CDC73: variants seen among roughly 807,000 people sequenced by gnomAD.
The protein encoded by CDC73 is parafibromin.
CDC73 carries 21 observed loss-of-function variants against 83.7 expected under a neutral mutation model. The observed-to-expected ratio is 0.25, with a 90% confidence interval of 0.18 to 0.36. The LOEUF (loss-of-function observed/expected upper bound fraction) is 0.36, where lower values mean the gene tolerates loss of function less well. CDC73 is among the 10% of genes least tolerant of loss of function. The pLI is 1.00. For synonymous variants in CDC73, 224 were observed against 212.9 expected, an observed-to-expected ratio of 1.05 and a Z score of -0.45; for missense variants, 342 against 653.3, an observed-to-expected ratio of 0.52 and a Z score of 5.19.
chr1:193,228,044 G>A (rs183806779), intron 13 of CDC73, among the ~76,000 whole-genome samples: 1 of 152,292 alleles, frequency 6.6e-6, no homozygotes, highest in Non-Finnish European at 1.5e-5. Context: ...TAGCTGAATT[G>A]ATAGTGCTGT....
chr1:193,144,103 C>A (rs1398166711), intron 7 of CDC73, among the ~76,000 whole-genome samples: 1 of 46,438 alleles, frequency 2.2e-5, no homozygotes, highest in Non-Finnish European at 5.0e-5. Flanking sequence ...GAGTGAGACT[C>A]TGTCTCACCA....
Position 193,150,292 on chromosome 1 carries a change from AT to A in CDC73, c.829-5del, listed in dbSNP as rs755393679. 6 of 1,576,706 alleles carry A rather than the reference AT, an allele frequency of 3.8e-6. No homozygotes were observed. Among genetic ancestry groups the A allele is most frequent in the Non-Finnish European group, 5.2e-6 (6 of 1,145,990 alleles). On this transcript the variant is annotated splice_polypyrimidine_tract_variant and intron_variant, in intron 8 of 16. Transcript: ENST00000367435. The stretch of plus-strand genomic sequence containing the variant: ...AATATTAACAAGTAACTCATAATTA[AT>A]TTTTTTACAGGATCCCACTTTGCGC...
At chr1:193,138,587 G>A (rs898696684) in intron 6 of CDC73, among the ~76,000 whole-genome samples, 19 of 151,708 alleles carry the variant, frequency 1.3e-4, no homozygotes, top group African/African-American at 4.6e-4. Flanking sequence ...ATACATGAAT[G>A]GATGGGCATA....
At chr1:193,235,713 T>G (rs1211966557) in intron 14 of CDC73, among the ~76,000 whole-genome samples, 1 of 152,092 alleles carries the variant, frequency 6.6e-6, no homozygotes, top group Non-Finnish European at 1.5e-5. Flanking sequence ...ATTGCAAAAA[T>G]TATAAAAGTC....
At chr1:193,148,599 G>T (rs1229867984) in intron 8 of CDC73, among the ~76,000 whole-genome samples, 1 of 145,692 alleles carries the variant, frequency 6.9e-6, no homozygotes, top group Non-Finnish European at 1.5e-5. Context: ...TCTATTTTCT[G>T]CAATAGAAAA....
intron 9 of CDC73, among the ~76,000 whole-genome samples, chr1:193,151,505 A>G (rs1199229506): frequency 6.6e-6 from 1 of 152,226 alleles, no homozygotes; most frequent in African/African-American, 2.4e-5. Context: ...ACTAAAATAC[A>G]GAATTGGGCA....
intron 6 of CDC73, chr1:193,141,042 A>C (rs1675897881): frequency 6.6e-6 from 1 of 152,258 alleles, no homozygotes. Flanking sequence ...TACTGTATTT[A>C]AACCTGCAGG....
intron 15 of CDC73, among the ~76,000 whole-genome samples, chr1:193,246,040 A>G (rs1259977658): frequency 6.6e-6 from 1 of 152,142 alleles, no homozygotes; most frequent in Non-Finnish European, 1.5e-5. Context: ...CCCCTGTCAG[A>G]TGAGTAATTT....
intron 15 of CDC73, among the ~76,000 whole-genome samples, chr1:193,243,503 TAAAG>T (rs912956557): frequency 2.6e-5 from 4 of 152,204 alleles, no homozygotes; most frequent in Admixed American, 2.0e-4. Context: ...TTGAAATTAT[TAAAG>T]AAGACTGTAG....
chr1:193,131,641 T>C (rs796329032), intron 3 of CDC73, among the ~76,000 whole-genome samples: 7 of 152,312 alleles, frequency 4.6e-5, no homozygotes, highest in African/African-American at 1.7e-4. Context: ...CATTCTTCCT[T>C]TGCTCATAAC....
chr1:193,168,047 G>T (rs1371110367), intron 10 of CDC73, among the ~76,000 whole-genome samples: 3 of 152,006 alleles, frequency 2.0e-5, no homozygotes, highest in Non-Finnish European at 4.4e-5. Flanking sequence ...TTTTAATAGA[G>T]ACAGGGTTTC....
chr1:193,138,088 G>A lies in CDC73; in HGVS notation c.427G>A (p.Glu143Lys). The change falls in exon 6 of 17, where the codon GAA becomes AAA. Residue 143 changes from glutamate (E) to lysine (K), a missense_variant. Physicochemically the swap from Glu to Lys is moderately conservative, Grantham distance 56. Around this residue, in one of 3 missense-constraint regions of CDC73, gnomAD observed 99 missense variants for 174.5 expected, o/e 0.57. Coordinates refer to ENST00000367435, the MANE Select transcript of CDC73 (RefSeq NM_024529.5). ...AEAKKPRIED[E>K]ECVRLDKERL... is the part of the protein sequence containing the mutation. ...ATTAACCAGTGGTTATTTCCAGGATGAAGAGTGTGTGCGCCTTGATAAAGA... is the reference window on the plus strand; with the variant it reads ...ATTAACCAGTGGTTATTTCCAGGATAAAGAGTGTGTGCGCCTTGATAAAGA... The A allele has an allele frequency of 6.2e-7, 1 of 1,612,066 alleles. No individual in the cohort carries two copies. The highest frequency in any genetic ancestry group is 8.5e-7 in the Non-Finnish European group (1 of 1,178,150).
intron 13 of CDC73, among the ~76,000 whole-genome samples, chr1:193,226,787 G>A (rs1006823834): frequency 1.3e-5 from 2 of 151,908 alleles, no homozygotes; most frequent in Non-Finnish European, 2.9e-5. Flanking sequence ...TTCTTTTTTG[G>A]TTATATCCTT....
chr1:193,231,467 G>A (rs1401280884), intron 13 of CDC73, among the ~76,000 whole-genome samples: 1 of 151,936 alleles, frequency 6.6e-6, no homozygotes, highest in African/African-American at 2.4e-5. Context: ...TTTTTGTTGT[G>A]GCTTTTTATT....
chr1:193,181,685 A>G (rs1443696085), intron 10 of CDC73: 2 of 972,790 alleles, frequency 2.1e-6, no homozygotes, highest in African/African-American at 1.7e-5. Context: ...TAGTCATTCT[A>G]TAAAAATGAA....
At chr1:193,205,152 TACA>T (rs1677164190) in intron 11 of CDC73, among the ~76,000 whole-genome samples, 1 of 151,166 alleles carries the variant, frequency 6.6e-6, no homozygotes, top group African/African-American at 2.4e-5. Flanking sequence ...GTTTTATTTT[TACA>T]TTTATTTAGC....
chr1:193,163,150 GTTGTGT>G lies in CDC73; in HGVS notation c.972+10707_972+10712del, dbSNP rs1192033007. ...TATAATTCATCAAGAACTTTGTGGG[GTTGTGT>G]GTGTGTGTGTGTGTGTGTGTGGGTG... is the stretch of plus-strand genomic sequence containing the variant. On this transcript the variant is annotated intron_variant, in intron 10 of 16. Transcript: ENST00000367435. Among the ~76,000 whole-genome samples the G allele has an allele frequency of 8.4e-3, 1,226 of 145,890 alleles. 21 individuals carry two copies. The highest frequency in any genetic ancestry group is 0.03 in the African/African-American group (1,112 of 37,354).
intron 10 of CDC73, among the ~76,000 whole-genome samples, chr1:193,200,102 A>G (rs893325622): frequency 1.3e-5 from 2 of 151,570 alleles, no homozygotes; most frequent in African/African-American, 4.8e-5. Context: ...CTAGCCTGGC[A>G]TGGTGGTGCG....
chr1:193,224,643 AATC>A (rs984889308), intron 13 of CDC73, among the ~76,000 whole-genome samples: 2 of 152,190 alleles, frequency 1.3e-5, no homozygotes, highest in African/African-American at 4.8e-5. Flanking sequence ...ACATATATGA[AATC>A]ATTCGCATAT....
Sources: allele counts gnomAD v4.1 joint callset (sites outside exome capture counted in the v4.1 genomes callset), GRCh38; gene constraint gnomAD v4.1.1; regional missense constraint gnomAD v4.1.1; transcripts MANE v1.5; gene names NCBI Gene and HGNC (gene_info 2026-07-23, HGNC 2026-07-21).